Variants in SLC38A7 observed in about 807,000 individuals in gnomAD.
SLC38A7 encodes solute carrier family 38 member 7.
Under a neutral mutation model 50.1 loss-of-function variants are expected in SLC38A7, and 29 were observed. That is an observed-to-expected ratio of 0.58 (90% CI 0.43 to 0.79). The LOEUF is 0.79. SLC38A7 is among the 30% of genes least tolerant of loss of function. The probability of loss-of-function intolerance (pLI) is 0.00; values close to 1 mark genes in which losing one functional copy is unlikely to be tolerated. For synonymous variants in SLC38A7, 244 were observed against 245.9 expected, an observed-to-expected ratio of 0.99 and a Z score of 0.07; for missense variants, 483 against 610.6, an observed-to-expected ratio of 0.79 and a Z score of 2.20.
At position 58,667,140 on chromosome 16, in the gene SLC38A7, G is replaced by A. The variant is rs1010886259; in HGVS notation, c.*245C>T. ...AGTTGAGAACTGGGAGAGGAGGAGG[G>A]GTCCTCTATGATGTGAGACTTCCTG... On this transcript the variant is annotated 3_prime_UTR_variant, in exon 12 of 12. Transcript: ENST00000219320. 1.4e-5 allele frequency: 7 copies of A among 510,784 alleles called. No individual in the cohort carries two copies. Among genetic ancestry groups the A allele is most frequent in the Non-Finnish European group, 2.4e-5 (7 of 288,096 alleles). The allele number at this position is 510,784 out of a possible 1,614,324, so 31.6% of individuals were successfully genotyped here.
Position 58,677,414 on chromosome 16 carries a change from C to T in SLC38A7, c.622G>A (p.Val208Ile), listed in dbSNP as rs775170555. The T allele has an allele frequency of 1.8e-5, 29 of 1,613,962 alleles. No individual in the cohort carries two copies. The highest frequency in any genetic ancestry group is 6.7e-5 in the Admixed American group (4 of 59,988). ...GCTGTGACGTACCAGGTACCCACGA[C>T]GCTCAGGAAGCTGCCGGGAAGGAGA... The part of the protein sequence containing the change: ...GFQKYASFLS[V>I]VGTWYVTAIV... The change falls in exon 6 of 12, where the codon GTC becomes ATC. Residue 208 changes from valine (V) to isoleucine (I), a missense_variant. Transcript: ENST00000219320.
At chr16:58,683,160 T>C (rs1243198156) in intron 2 of SLC38A7, among the ~76,000 whole-genome samples, 5 of 152,156 alleles carry the variant, frequency 3.3e-5, no homozygotes, top group African/African-American at 1.2e-4. Context: ...ATTACAGGCG[T>C]GAGCCACAGC....
rs1292262218 is a variant in SLC38A7 at position 58,670,119 on chromosome 16, G to A, written c.1280C>T (p.Pro427Leu). The change falls in exon 11 of 12, where the codon CCA becomes CTA. Residue 427 changes from proline to leucine, a missense_variant. Physicochemically the swap from Pro to Leu is moderately conservative, Grantham distance 98. Coordinates refer to ENST00000219320, the MANE Select transcript of SLC38A7 (RefSeq NM_018231.3). ...AKLSEMEEVK[P>L]ASWWVLVSYG... is the part of the protein sequence containing the mutation. ...GGGCTGGGTCCTGCTTTACCTGGCT[G>A]GTTTGACCTCTTCCATCTCAGAGAG... The A allele has an allele frequency of 1.9e-6, 3 of 1,614,052 alleles. No individual in the cohort carries two copies. Among genetic ancestry groups the A allele is most frequent in the Admixed American group, 1.7e-5 (1 of 60,004 alleles).
At chr16:58,677,270 T>C (rs1188524659) in intron 6 of SLC38A7, 56 bp downstream of exon 6, 1 of 1,506,978 alleles carries the variant, frequency 6.6e-7, no homozygotes, top group Non-Finnish European at 9.2e-7. Flanking sequence ...ACCCAGCACC[T>C]GCTGGGGCCC....
intron 8 of SLC38A7, chr16:58,675,346 G>GAA (rs58028000): frequency 0.021 from 6,900 of 324,082 alleles, 1 homozygote; most frequent in Middle Eastern, 0.03. Context: ...GTCTCTGCTA[G>GAA]AAAAAAAAAA....
Position 58,678,239 on chromosome 16 carries a change from GGTGGC to G in SLC38A7, c.611+89_611+93del. ...TGCCTACTCTTGCTCCCCAAGGTGA[GGTGGC>G]ATGGAGGAGCAGGGTTCCCCAGGAG... On this transcript the variant is annotated intron_variant, in intron 5 of 11. Coordinates refer to ENST00000219320, the MANE Select transcript of SLC38A7 (RefSeq NM_018231.3). This position sits in a 1 kb window ranked among gnomAD's most constrained non-coding sequence, Gnocchi z 4.0. 1 of 1,388,582 alleles carries G rather than the reference GGTGGC, an allele frequency of 7.2e-7. No individual in the cohort carries two copies. The highest frequency in any genetic ancestry group is 9.5e-7 in the Non-Finnish European group (1 of 1,048,496). 86.0% of individuals were successfully genotyped at this position (1,388,582 alleles called of 1,614,324 possible).
chr16:58,670,203 G>A, intron 10 of SLC38A7, 36 bp from the exon 11 acceptor site: 1 of 1,608,928 alleles, frequency 6.2e-7, no homozygotes, highest in Non-Finnish European at 8.5e-7. Flanking sequence ...CATTTGTGAG[G>A]GGAGAGGGCT....
rs754858012 is a variant in SLC38A7, at chr16:58,680,052, C to T, written c.75G>A (p.Leu25=). ...LSTDAGERAR[L]LQSPCVDTAP... ...CTGTGTCCACACAGGGACTCTGCAG[C>T]AGCCGAGCCCGCTCCCCGGCATCCG... The change falls in exon 3 of 12, where the codon CTG becomes CTA. Residue 25 remains leucine, a synonymous_variant. Coordinates refer to ENST00000219320, the MANE Select transcript of SLC38A7 (RefSeq NM_018231.3). 6.3e-7 allele frequency: 1 copy of T among 1,589,116 alleles called. No homozygotes were observed. Among genetic ancestry groups the T allele is most frequent in the East Asian group, 2.2e-5 (1 of 44,614 alleles).
Position 58,677,250 on chromosome 16 carries a change from C to G in SLC38A7, c.710+76G>C. On this transcript the variant is annotated intron_variant, in intron 6 of 11. Transcript: ENST00000219320. ...TTGAGAAGAGCACCTGTGTGGCCTT[C>G]TGGTTCCTGACCCAGCACCTGCTGG... The G allele has an allele frequency of 2.4e-6, 3 of 1,275,672 alleles. No homozygotes were observed. In the South Asian group the frequency reaches 3.6e-5, roughly 15 times the overall value. The allele number at this position is 1,275,672 out of a possible 1,614,324, so 79.0% of individuals were successfully genotyped here. A position where few individuals can be genotyped will look rare whatever the true frequency, so the allele number is the denominator to read the frequency against.
chr16:58,681,831 C>T (rs2044394222), intron 2 of SLC38A7: 1 of 152,186 alleles, frequency 6.6e-6, no homozygotes, highest in South Asian at 2.1e-4. Flanking sequence ...ACTCTCCAGC[C>T]CTAAGCAAGC....
In SLC38A7 at chr16:58,678,559, C is replaced by G; in HGVS notation, c.470-85G>C. 1 of 1,554,836 alleles carries G rather than the reference C, an allele frequency of 6.4e-7. No homozygotes were observed. On this transcript the variant is annotated intron_variant, in intron 4 of 11. Coordinates refer to ENST00000219320, the MANE Select transcript of SLC38A7 (RefSeq NM_018231.3). This position sits in a 1 kb window ranked among gnomAD's most constrained non-coding sequence, Gnocchi z 4.0. ...CTCTGCTGGGCCCCAGGACCTCCCT[C>G]TGCCTGGAGGGAGGATTCCCAGATG...
chr16:58,677,488 G>C, intron 5 of SLC38A7, 64 bp from the exon 6 acceptor site: 1 of 1,418,718 alleles, frequency 7.0e-7, no homozygotes, highest in Non-Finnish European at 9.9e-7. Flanking sequence ...TCCACCCCTA[G>C]GGACATCCAC....
intron 11 of SLC38A7, among the ~76,000 whole-genome samples, chr16:58,668,977 C>A (rs1468094946): frequency 2.0e-5 from 3 of 151,618 alleles, no homozygotes; most frequent in Non-Finnish European, 4.4e-5. Flanking sequence ...GCCATGTTGG[C>A]CAGGCTGGTC....
At chr16:58,673,185 C>T (rs1250081981) in intron 8 of SLC38A7, among the ~76,000 whole-genome samples, 1 of 143,294 alleles carries the variant, frequency 7.0e-6, no homozygotes, top group Non-Finnish European at 1.5e-5. Flanking sequence ...GGTTCTCATG[C>T]CTCAGCCTCC....
chr16:58,668,481 G>A (rs905056637), intron 11 of SLC38A7, among the ~76,000 whole-genome samples: 9 of 152,124 alleles, frequency 5.9e-5, no homozygotes, highest in Non-Finnish European at 8.8e-5. Context: ...AGGTTGCAGT[G>A]AGCCGAGATC....
chr16:58,676,130 CA>C (rs890900213), intron 7 of SLC38A7, 76 bp from the exon 8 acceptor site: 3 of 1,558,888 alleles, frequency 1.9e-6, no homozygotes, highest in South Asian at 1.1e-5. Context: ...ACCTTGGGAA[CA>C]AAGACCCCAG....
intron 9 of SLC38A7, chr16:58,671,715 G>A: frequency 4.7e-6 from 1 of 213,244 alleles, no homozygotes; most frequent in Non-Finnish European, 9.5e-6. Flanking sequence ...GACCACAGGT[G>A]CATCCCACCA....
At chr16:58,675,135 T>A in intron 8 of SLC38A7, 1 of 213,470 alleles carries the variant, frequency 4.7e-6, no homozygotes, top group Non-Finnish European at 9.6e-6. Flanking sequence ...TTCTGGCTCT[T>A]TCTCATCATT....
Position 58,665,424 on chromosome 16 carries a change from C to T in SLC38A7, c.*1961G>A. On this transcript the variant is annotated 3_prime_UTR_variant, in exon 12 of 12. Transcript: ENST00000219320. ...TGTGCCACAGACTGACAGAAAACAG[C>T]ACAGTGGGTCTGGCCCCGGGGGCAG... 1 of 152,574 alleles carries T rather than the reference C, an allele frequency of 6.6e-6. No homozygotes were observed. The highest frequency in any genetic ancestry group is 1.5e-5 in the Non-Finnish European group (1 of 68,280). 9.5% of individuals were successfully genotyped at this position (152,574 alleles called of 1,614,324 possible).
Sources: gnomAD v4.1 joint callset for allele counts (sites outside exome capture counted in the v4.1 genomes callset) on GRCh38, gnomAD v4.1.1 for gene constraint, Gnocchi (gnomAD v3.1) non-coding constraint, MANE v1.5 for transcripts, NCBI Gene and HGNC (gene_info 2026-07-23, HGNC 2026-07-21) for gene names.